Variants in LRRC4C observed in about 807,000 individuals in gnomAD.
LRRC4C encodes leucine-rich repeat-containing protein 4C.
LRRC4C carries 5 observed loss-of-function variants against 33.6 expected under a neutral mutation model. That is an observed-to-expected ratio of 0.15 (90% CI 0.08 to 0.31). LRRC4C has a LOEUF of 0.31. Among genes scored for constraint, LRRC4C ranks in the 10% least tolerant of loss-of-function variants. The probability of loss-of-function intolerance (pLI) is 1.00; values close to 1 mark genes in which losing one functional copy is unlikely to be tolerated. For missense variants in LRRC4C, 560 were observed against 796.7 expected (o/e 0.70, Z 3.58); for synonymous variants, 329 against 302.0 (o/e 1.09, Z -0.93).
chr11:40,946,514 G>A (rs192281463), intron 1 of LRRC4C, among the ~76,000 whole-genome samples: 11 of 152,238 alleles, frequency 7.2e-5, no homozygotes, highest in South Asian at 6.2e-4. Context: ...TCTCTAAACC[G>A]CTTTCCACAG....
At chr11:40,603,313 T>A (rs1296030927) in intron 3 of LRRC4C, among the ~76,000 whole-genome samples, 1 of 152,196 alleles carries the variant, frequency 6.6e-6, no homozygotes, top group Non-Finnish European at 1.5e-5. Flanking sequence ...TCTGAGCACC[T>A]GCCAAAGCAG....
chr11:40,248,157 C>G (rs1337482922), intron 4 of LRRC4C, among the ~76,000 whole-genome samples: 1 of 152,136 alleles, frequency 6.6e-6, no homozygotes, highest in Non-Finnish European at 1.5e-5. Flanking sequence ...CTGGCTAAAG[C>G]AGGCTCATTC....
At chr11:40,629,997 A>G (rs1328514339) in intron 3 of LRRC4C, among the ~76,000 whole-genome samples, 1 of 152,136 alleles carries the variant, frequency 6.6e-6, no homozygotes, top group Non-Finnish European at 1.5e-5. Flanking sequence ...AATATCATAA[A>G]TAATTAATCT....
chr11:41,127,332 C>A (rs576363422), intron 1 of LRRC4C, among the ~76,000 whole-genome samples: 1 of 151,276 alleles, frequency 6.6e-6, no homozygotes. Context: ...AAACTCCTTA[C>A]TTCTTTTCCT....
intron 3 of LRRC4C, among the ~76,000 whole-genome samples, chr11:40,608,843 GT>G (rs1288625855): frequency 4.6e-5 from 7 of 152,054 alleles, no homozygotes; most frequent in African/African-American, 7.2e-5. Flanking sequence ...GAAGGACATT[GT>G]ATATTATAAA....
chr11:40,585,256 C>T (rs1398737021), intron 3 of LRRC4C, among the ~76,000 whole-genome samples: 1 of 152,132 alleles, frequency 6.6e-6, no homozygotes, highest in Non-Finnish European at 1.5e-5. Context: ...AATCGGAAGA[C>T]TAGATAGCTT....
intron 1 of LRRC4C, among the ~76,000 whole-genome samples, chr11:40,984,363 A>AAAAGAAAGAAAG (rs61226519): frequency 0.028 from 3,337 of 120,160 alleles, 57 homozygotes; most frequent in East Asian, 0.057. Context: ...AAAGAAAGAA[A>AAAAGAAAGAAAG]AAAGAAAGAA....
In LRRC4C at chr11:41,428,905, G is replaced by A. The variant is rs116690227; in HGVS notation, c.-496+30526C>T. Among the ~76,000 whole-genome samples, 1,469 of 152,146 alleles carry A rather than the reference G, an allele frequency of 9.7e-3. 28 individuals carry two copies. The highest frequency in any genetic ancestry group is 0.034 in the African/African-American group (1,396 of 41,514). ...CTAAGCAAAGATCACTTCAACCCTT[G>A]GTATAAAGGCCTCTGGGGAGAAGGT... On this transcript the variant is annotated intron_variant, in intron 1 of 6. Coordinates refer to ENST00000528697, the MANE Select transcript of LRRC4C (RefSeq NM_001258419.2).
At chr11:41,438,037 TCAAATAAA>T (rs1955491437) in intron 1 of LRRC4C, among the ~76,000 whole-genome samples, 1 of 43,112 alleles carries the variant, frequency 2.3e-5, no homozygotes, top group Non-Finnish European at 5.8e-5. Context: ...AAACTCCATC[TCAAATAAA>T]TAAATAAATA....
At chr11:41,243,903 C>T (rs901471167) in intron 1 of LRRC4C, among the ~76,000 whole-genome samples, 5 of 151,960 alleles carry the variant, frequency 3.3e-5, no homozygotes, top group African/African-American at 7.3e-5. Context: ...AGATATAAAG[C>T]TTCAGGGATT....
At chr11:40,313,562 G>A (rs1388318765) in intron 4 of LRRC4C, among the ~76,000 whole-genome samples, 1 of 141,532 alleles carries the variant, frequency 7.1e-6, no homozygotes, top group Non-Finnish European at 1.5e-5. Context: ...CCAAAACTAT[G>A]AAACAATTAA....
chr11:40,294,698 G>A (rs1392807128), intron 4 of LRRC4C, among the ~76,000 whole-genome samples: 1 of 150,354 alleles, frequency 6.7e-6, no homozygotes, highest in African/African-American at 2.4e-5. Context: ...GCGATGGCGC[G>A]CGTCTGTAAT....
intron 3 of LRRC4C, among the ~76,000 whole-genome samples, chr11:40,352,110 TCTTCCTTCCTTC>T (rs200446819): frequency 0.27 from 32,516 of 122,490 alleles, 4,344 homozygotes; most frequent in Admixed American, 0.31. Context: ...TTCCTTTCTT[TCTTCCTTCCTTC>T]CTTCCTTCCT....
chr11:40,983,476 C>T (rs184919427), intron 1 of LRRC4C, among the ~76,000 whole-genome samples: 1 of 152,286 alleles, frequency 6.6e-6, no homozygotes, highest in East Asian at 1.9e-4. Context: ...TGGATGAAGA[C>T]TCCAAAAGCA....
chr11:41,324,152 G>A lies in LRRC4C; in HGVS notation c.-496+135279C>T, dbSNP rs552581031. On this transcript the variant is annotated intron_variant, in intron 1 of 6. Transcript: ENST00000528697. ...TTAAAAATATTATTTTAGGCAGGGCGCGGTAGGGTAGCTCATGCCTGTAAT... is the reference window on the plus strand; with the variant it reads ...TTAAAAATATTATTTTAGGCAGGGCACGGTAGGGTAGCTCATGCCTGTAAT... Among the ~76,000 whole-genome samples the A allele has an allele frequency of 2.0e-4, 30 of 152,108 alleles. No individual in the cohort carries two copies. In the Middle Eastern group the frequency reaches 0.01, roughly 52 times the overall value.
rs926524696 is a variant in LRRC4C at position 40,519,520 on chromosome 11, C to T, written c.-270+128622G>A. Among the ~76,000 whole-genome samples, 8 of 152,174 alleles carry T rather than the reference C, an allele frequency of 5.3e-5. No homozygotes were observed. The South Asian group carries it at 8.3e-4, about 16-fold the overall frequency. Reference sequence around the variant, plus strand: ...CTTCTGCTGCTTCCTCCTCACCTCTCTTAGCCATATAAACTAGAAGCGAAT... The same window carrying T: ...CTTCTGCTGCTTCCTCCTCACCTCTTTTAGCCATATAAACTAGAAGCGAAT... On this transcript the variant is annotated intron_variant, in intron 3 of 6. Transcript: ENST00000528697.
chr11:40,921,567 C>G (rs1282566107), intron 2 of LRRC4C, among the ~76,000 whole-genome samples: 1 of 152,108 alleles, frequency 6.6e-6, no homozygotes, highest in African/African-American at 2.4e-5. Context: ...CTATGAGGAA[C>G]TTCTGTCAGA....
At chr11:40,788,721 C>A (rs1950510752) in intron 2 of LRRC4C, among the ~76,000 whole-genome samples, 1 of 152,132 alleles carries the variant, frequency 6.6e-6, no homozygotes. Flanking sequence ...CTCTTCAAAT[C>A]TTTCCTGGAA....
At chr11:40,658,037 T>A (rs1421683746) in intron 2 of LRRC4C, among the ~76,000 whole-genome samples, 1 of 152,240 alleles carries the variant, frequency 6.6e-6, no homozygotes, top group Non-Finnish European at 1.5e-5. Flanking sequence ...TCTGTAGTCT[T>A]TCCACATACC....
Sources: allele counts gnomAD v4.1 joint callset (sites outside exome capture counted in the v4.1 genomes callset), GRCh38; gene constraint gnomAD v4.1.1; transcripts MANE v1.5; gene names NCBI Gene and HGNC (gene_info 2026-07-23, HGNC 2026-07-21).